The following RRP1B variants were observed in gnomAD, a reference collection of about 807,000 sequenced individuals.
RRP1B encodes the protein ribosomal RNA processing protein 1 homolog B.
Under a neutral mutation model 80.2 loss-of-function variants are expected in RRP1B, and 56 were observed. That is an observed-to-expected ratio of 0.70 (90% CI 0.56 to 0.87). The LOEUF is 0.87. Among genes scored for constraint, RRP1B ranks in the 40% least tolerant of loss-of-function variants. The pLI is 0.00. For missense variants in RRP1B, 807 were observed against 939.8 expected, an observed-to-expected ratio of 0.86 and a Z score of 1.85; for synonymous variants, 351 against 357.6, an observed-to-expected ratio of 0.98 and a Z score of 0.21.
At chr21:43,686,546 G>A (rs557451292) in intron 11 of RRP1B, 18 of 379,374 alleles carry the variant, frequency 4.7e-5, no homozygotes, top group African/African-American at 3.4e-4. Context: ...TGCAGAGACT[G>A]CATTAGCCAA....
At chr21:43,688,281 A>ATGGGG in intron 13 of RRP1B, 41 bp downstream of exon 13, 1 of 1,484,578 alleles carries the variant, frequency 6.7e-7, no homozygotes, top group Non-Finnish European at 9.0e-7. Context: ...CCACAGAGGC[A>ATGGGG]CTCACTCGCG....
At chr21:43,689,230 C>A (rs1339325480) in intron 13 of RRP1B, among the ~76,000 whole-genome samples, 1 of 152,242 alleles carries the variant, frequency 6.6e-6, no homozygotes, top group African/African-American at 2.4e-5. Context: ...GAGACAGAGA[C>A]CTGCGGTCTG....
chr21:43,670,013 G>A, intron 2 of RRP1B, 47 bp downstream of exon 2: 1 of 1,389,444 alleles, frequency 7.2e-7, no homozygotes. Flanking sequence ...TGCTGTGGAT[G>A]GATAAGAGAC....
rs748626812 is a variant in RRP1B, at chr21:43,669,972, A to G, written c.213+6A>G. The G allele has an allele frequency of 2.5e-6, 4 of 1,590,694 alleles. No homozygotes were observed. Among genetic ancestry groups the G allele is most frequent in the Non-Finnish European group, 2.6e-6 (3 of 1,161,888 alleles). ...AGGATGAACCCCTTCTACAGGTAAC[A>G]TGCGTTCCCTTTGTCATGCTCCCGG... On this transcript the variant is annotated splice_donor_region_variant and intron_variant, in intron 2 of 15. Transcript: ENST00000340648.
At chr21:43,685,157 C>T (rs372723161) in intron 10 of RRP1B, among the ~76,000 whole-genome samples, 2 of 152,202 alleles carry the variant, frequency 1.3e-5, no homozygotes. Context: ...TGATCACACT[C>T]TAGGAGCCGG....
At chr21:43,680,671 G>A (rs915940628) in intron 8 of RRP1B, among the ~76,000 whole-genome samples, 3 of 152,006 alleles carry the variant, frequency 2.0e-5, no homozygotes, top group Non-Finnish European at 4.4e-5. Flanking sequence ...AGTGATCCTC[G>A]CACTTCAGCC....
chr21:43,668,357 T>C (rs1045451609), intron 1 of RRP1B, among the ~76,000 whole-genome samples: 5 of 150,994 alleles, frequency 3.3e-5, no homozygotes, highest in African/African-American at 1.2e-4. Context: ...GGTCTTTTTG[T>C]CACTTTTTTT....
At chr21:43,667,419 G>T (rs2082982659) in intron 1 of RRP1B, among the ~76,000 whole-genome samples, 1 of 152,120 alleles carries the variant, frequency 6.6e-6, no homozygotes, top group Admixed American at 6.5e-5. Context: ...GTTGGTGTGT[G>T]TGTGTGTGTG....
intron 9 of RRP1B, 100 bp downstream of exon 9, chr21:43,683,473 C>T (rs1389940159): frequency 7.5e-6 from 6 of 799,774 alleles, no homozygotes; most frequent in Non-Finnish European, 1.2e-5. Flanking sequence ...AGGCCTGAAG[C>T]GTAAACTCCT....
intron 1 of RRP1B, among the ~76,000 whole-genome samples, chr21:43,663,714 T>C (rs2082967238): frequency 6.6e-6 from 1 of 151,996 alleles, no homozygotes; most frequent in South Asian, 2.1e-4. Flanking sequence ...TGCACCACCA[T>C]GCCCAGCTAA....
intron 1 of RRP1B, among the ~76,000 whole-genome samples, chr21:43,661,323 G>A (rs989646310): frequency 6.6e-6 from 1 of 152,146 alleles, no homozygotes. Context: ...CTCACACTCA[G>A]GATGCCAAAA....
At chr21:43,667,379 A>G (rs2082982473) in intron 1 of RRP1B, among the ~76,000 whole-genome samples, 1 of 152,098 alleles carries the variant, frequency 6.6e-6, no homozygotes, top group African/African-American at 2.4e-5. Context: ...GGCACATGCC[A>G]CCATGCTCTG....
intron 13 of RRP1B, 111 bp from the exon 14 acceptor site, chr21:43,690,177 C>A (rs770791447): frequency 7.8e-6 from 10 of 1,284,898 alleles, no homozygotes; most frequent in Non-Finnish European, 1.1e-5. Context: ...CGCGGGCCGT[C>A]GGGTGGGCTG....
In RRP1B at chr21:43,695,353, C is replaced by G. The variant is rs776894350; in HGVS notation, c.*1970C>G. 6.6e-6 allele frequency: 1 copy of G among 152,068 alleles called. No homozygotes were observed. Among genetic ancestry groups the G allele is most frequent in the Non-Finnish European group, 1.5e-5 (1 of 68,004 alleles). The allele number at this position is 152,068 out of a possible 1,614,324, so 9.4% of individuals were successfully genotyped here. ...CAGACTATTGCAGGAATGTTTTTTC[C>G]TAGCATTTCTATATTATCTGTCCAT... On this transcript the variant is annotated 3_prime_UTR_variant, in exon 16 of 16. Coordinates refer to ENST00000340648, the MANE Select transcript of RRP1B (RefSeq NM_015056.3).
chr21:43,689,446 G>C (rs750019626), intron 13 of RRP1B, among the ~76,000 whole-genome samples: 3 of 152,212 alleles, frequency 2.0e-5, no homozygotes, highest in Non-Finnish European at 2.9e-5. Context: ...AGGGGCAGCA[G>C]TGCACTGAGC....
Position 43,691,044 on chromosome 21 carries a change from T to G in RRP1B, c.2020-395T>G, listed in dbSNP as rs968387093. ...TCTCCAGCAAAAGGCAGGGGAGTCTTGGCATTTTTCCTCACGGGTTCTCAG... is the reference window on the plus strand; with the variant it reads ...TCTCCAGCAAAAGGCAGGGGAGTCTGGGCATTTTTCCTCACGGGTTCTCAG... On this transcript the variant is annotated intron_variant, in intron 14 of 15. Coordinates refer to ENST00000340648, the MANE Select transcript of RRP1B (RefSeq NM_015056.3). The surrounding 1 kb of genome is among the most constrained non-coding windows in gnomAD (Gnocchi z 4.2). 1.3e-5 allele frequency among the ~76,000 whole-genome samples: 2 copies of G among 152,172 alleles called. No homozygotes were observed. Among genetic ancestry groups the G allele is most frequent in the African/African-American group, 4.8e-5 (2 of 41,454 alleles).
chr21:43,674,800 C>A, intron 5 of RRP1B, 103 bp downstream of exon 5: 1 of 1,104,618 alleles, frequency 9.1e-7, no homozygotes, highest in Non-Finnish European at 1.3e-6. Flanking sequence ...AAGCTCGATA[C>A]ATCGTTACCT....
At chr21:43,689,140 G>A (rs1042116724) in intron 13 of RRP1B, among the ~76,000 whole-genome samples, 2 of 152,242 alleles carry the variant, frequency 1.3e-5, no homozygotes, top group African/African-American at 4.8e-5. Context: ...CAAACGTAGT[G>A]TCACTGCAAC....
At chr21:43,684,398 T>C (rs1442818980) in intron 9 of RRP1B, among the ~76,000 whole-genome samples, 155 bp from the exon 10 acceptor site, 1 of 152,196 alleles carries the variant, frequency 6.6e-6, no homozygotes, top group African/African-American at 2.4e-5. Context: ...AAGGTAGTGC[T>C]TGTGCTCCTG....
Sources: allele counts gnomAD v4.1 joint callset (sites outside exome capture counted in the v4.1 genomes callset), GRCh38; gene constraint gnomAD v4.1.1; non-coding constraint Gnocchi (gnomAD v3.1); transcripts MANE v1.5; gene names NCBI Gene and HGNC (gene_info 2026-07-23, HGNC 2026-07-21).